ROBO2: variants seen among roughly 807,000 people sequenced by gnomAD.
ROBO2 encodes roundabout homolog 2.
ROBO2 carries 53 observed loss-of-function variants against 160.8 expected under a neutral mutation model. The observed-to-expected ratio is 0.33, with a 90% CI of 0.26 to 0.41. The LOEUF is 0.41. ROBO2 is among the 10% of genes least tolerant of loss of function. ROBO2 has a pLI of 1.00. For synonymous variants in ROBO2, 664 were observed against 611.7 expected (o/e 1.09, Z -1.26); for missense variants, 1,577 against 1,722.4 (o/e 0.92, Z 1.49).
chr3:76,011,507 A>T (rs970499422), intron 2 of ROBO2, among the ~76,000 whole-genome samples: 2 of 152,110 alleles, frequency 1.3e-5, no homozygotes, highest in African/African-American at 4.8e-5. Flanking sequence ...TAGTAAAATC[A>T]CTTTCTTTAT....
At chr3:77,258,130 G>C (rs554944060) in intron 2 of ROBO2, among the ~76,000 whole-genome samples, 1 of 152,206 alleles carries the variant, frequency 6.6e-6, no homozygotes, top group Non-Finnish European at 1.5e-5. Flanking sequence ...AAGTGTCAAC[G>C]TGTCAGAGTA....
At chr3:76,354,818 G>A (rs1308646882) in intron 2 of ROBO2, among the ~76,000 whole-genome samples, 3 of 151,732 alleles carry the variant, frequency 2.0e-5, no homozygotes, top group African/African-American at 7.3e-5. Context: ...ACAGATGTCT[G>A]TTTACATGTA....
At chr3:77,426,239 C>T (rs1260118718) in intron 2 of ROBO2, among the ~76,000 whole-genome samples, 1 of 152,014 alleles carries the variant, frequency 6.6e-6, no homozygotes, top group Non-Finnish European at 1.5e-5. Flanking sequence ...ACTCCAAGTG[C>T]CGGCTTCATG....
At chr3:75,917,015 C>T (rs1424508160) in intron 1 of ROBO2, among the ~76,000 whole-genome samples, 6 of 151,508 alleles carry the variant, frequency 4.0e-5, no homozygotes, top group Non-Finnish European at 5.9e-5. Context: ...ACACATATTG[C>T]GTACTTTCAT....
Position 77,430,622 on chromosome 3 carries a change from A to G in ROBO2, c.389-46792A>G, listed in dbSNP as rs922980265. ...CTTTTTAGATGGTTAGTGACCTTAT[A>G]AAGGAGGCCCCAGAGAGCTGCCTTG... On this transcript the variant is annotated intron_variant, in intron 2 of 25. Transcript: ENST00000461745. 3.9e-5 allele frequency among the ~76,000 whole-genome samples: 6 copies of G among 152,090 alleles called. No individual in the cohort carries two copies. In the East Asian group the frequency reaches 1.2e-3, roughly 29 times the overall value.
At chr3:77,340,463 G>A (rs781008334) in intron 2 of ROBO2, among the ~76,000 whole-genome samples, 7 of 152,022 alleles carry the variant, frequency 4.6e-5, no homozygotes, top group Non-Finnish European at 8.8e-5. Flanking sequence ...GTGTTCTTAG[G>A]AGTCCGTGGT....
chr3:77,136,224 G>C (rs2150387924), intron 2 of ROBO2, among the ~76,000 whole-genome samples: 1 of 152,210 alleles, frequency 6.6e-6, no homozygotes, highest in Non-Finnish European at 1.5e-5. Flanking sequence ...AGATAATTAA[G>C]GAGACATTGA....
At chr3:76,193,691 A>C (rs1178952239) in intron 2 of ROBO2, among the ~76,000 whole-genome samples, 1 of 152,228 alleles carries the variant, frequency 6.6e-6, no homozygotes, top group Non-Finnish European at 1.5e-5. Flanking sequence ...GACATTTGTC[A>C]GTGAGACATA....
chr3:76,989,840 G>A (rs1322091150), intron 2 of ROBO2, among the ~76,000 whole-genome samples: 1 of 152,180 alleles, frequency 6.6e-6, no homozygotes, highest in East Asian at 1.9e-4. Flanking sequence ...TTGTCTGTGT[G>A]TATGTGTGTG....
At chr3:76,760,024 G>T (rs1381323569) in intron 2 of ROBO2, among the ~76,000 whole-genome samples, 1 of 151,700 alleles carries the variant, frequency 6.6e-6, no homozygotes, top group Non-Finnish European at 1.5e-5. Context: ...CTAACAGAAG[G>T]ATGGAAGGAA....
intron 2 of ROBO2, among the ~76,000 whole-genome samples, chr3:76,121,922 A>G (rs1283352747): frequency 5.3e-5 from 8 of 152,204 alleles, no homozygotes; most frequent in African/African-American, 1.9e-4. Context: ...TTTAGATAGT[A>G]TCTATGTAAC....
intron 2 of ROBO2, among the ~76,000 whole-genome samples, chr3:77,293,791 G>A (rs1347558606): frequency 2.2e-5 from 3 of 139,046 alleles, no homozygotes; most frequent in Admixed American, 7.4e-5. Context: ...GGTTAAACGG[G>A]AAGTTGAGGC....
intron 2 of ROBO2, among the ~76,000 whole-genome samples, chr3:76,942,999 A>G (rs1470796447): frequency 6.6e-6 from 1 of 152,214 alleles, no homozygotes; most frequent in Non-Finnish European, 1.5e-5. Flanking sequence ...ATTTTAACCT[A>G]TCAAAAATAT....
intron 16 of ROBO2, among the ~76,000 whole-genome samples, chr3:77,586,986 A>G (rs1171344707): frequency 2.0e-5 from 3 of 151,976 alleles, no homozygotes; most frequent in Non-Finnish European, 4.4e-5. Flanking sequence ...GGAATGGATT[A>G]TAAGTATGTA....
At chr3:76,391,783 A>G (rs1187486101) in intron 2 of ROBO2, among the ~76,000 whole-genome samples, 3 of 152,222 alleles carry the variant, frequency 2.0e-5, no homozygotes, top group Non-Finnish European at 2.9e-5. Context: ...TGCTGGAATT[A>G]AAGGTGTGAG....
At chr3:76,679,912 A>G (rs935492293) in intron 2 of ROBO2, among the ~76,000 whole-genome samples, 4 of 152,022 alleles carry the variant, frequency 2.6e-5, no homozygotes, top group Admixed American at 2.6e-4. Context: ...TTAAGCTGAG[A>G]TTTCTTTAGT....
intron 2 of ROBO2, among the ~76,000 whole-genome samples, chr3:76,711,941 C>T (rs2093302505): frequency 6.6e-6 from 1 of 152,136 alleles, no homozygotes; most frequent in African/African-American, 2.4e-5. Flanking sequence ...GGCATTAATT[C>T]ATTTGTCCTG....
chr3:77,293,522 A>G (rs1205311325), intron 2 of ROBO2, among the ~76,000 whole-genome samples: 1 of 147,888 alleles, frequency 6.8e-6, no homozygotes, highest in East Asian at 2.0e-4. Flanking sequence ...ATTGATGTTT[A>G]AATGGGTAAG....
At chr3:77,197,503 G>A (rs2082413536) in intron 2 of ROBO2, among the ~76,000 whole-genome samples, 1 of 152,156 alleles carries the variant, frequency 6.6e-6, no homozygotes, top group African/African-American at 2.4e-5. Context: ...ATCTATTTAG[G>A]TCCTGTTGGT....
Sources: allele counts gnomAD v4.1 joint callset (sites outside exome capture counted in the v4.1 genomes callset), GRCh38; gene constraint gnomAD v4.1.1; transcripts MANE v1.5; gene names NCBI Gene and HGNC (gene_info 2026-07-23, HGNC 2026-07-21).